The following C8orf34 variants were observed in gnomAD, a reference collection of about 807,000 sequenced individuals.
The protein encoded by C8orf34 is uncharacterized protein C8orf34.
C8orf34 carries 65 observed loss-of-function variants against 68.3 expected under a neutral mutation model. The ratio of observed to expected loss-of-function variants is 0.95; its 90% confidence interval spans 0.78 to 1.17. The LOEUF is 1.17. Among genes scored for constraint, C8orf34 ranks in the 50% most tolerant of loss-of-function variants. The probability of loss-of-function intolerance (pLI) is 0.00; values close to 1 mark genes in which losing one functional copy is unlikely to be tolerated. For missense variants in C8orf34, 664 were observed against 655.4 expected, an observed-to-expected ratio of 1.01 and a Z score of -0.14; for synonymous variants, 244 against 241.2, an observed-to-expected ratio of 1.01 and a Z score of -0.11.
chr8:68,735,681 G>T (rs1021824286), intron 10 of C8orf34, among the ~76,000 whole-genome samples: 3 of 151,752 alleles, frequency 2.0e-5, no homozygotes, highest in African/African-American at 7.3e-5. Context: ...ACTTGAGAAA[G>T]AAAAGAAAAA....
intron 7 of C8orf34, among the ~76,000 whole-genome samples, chr8:68,632,437 GA>G (rs1216760499): frequency 2.0e-5 from 3 of 152,130 alleles, no homozygotes; most frequent in Admixed American, 1.3e-4. Flanking sequence ...AAGGGAAGCA[GA>G]CCGTAAAAGT....
intron 3 of C8orf34, among the ~76,000 whole-genome samples, chr8:68,456,080 C>T (rs1199954122): frequency 7.1e-6 from 1 of 141,828 alleles, no homozygotes; most frequent in African/African-American, 2.6e-5. Context: ...ACAGCCTCTA[C>T]TAAAAATCCA....
chr8:68,803,843 G>A (rs1824403606), intron 12 of C8orf34, among the ~76,000 whole-genome samples: 2 of 151,920 alleles, frequency 1.3e-5, no homozygotes, highest in South Asian at 2.1e-4. Flanking sequence ...TATACTTTTT[G>A]TAGTACTTTT....
chr8:68,743,923 T>C (rs1489503243), intron 10 of C8orf34, among the ~76,000 whole-genome samples: 2 of 152,198 alleles, frequency 1.3e-5, no homozygotes, highest in African/African-American at 4.8e-5. Flanking sequence ...GCTCCACCTC[T>C]GGGGGCAGGG....
intron 7 of C8orf34, among the ~76,000 whole-genome samples, chr8:68,556,255 T>C (rs997712286): frequency 6.6e-6 from 1 of 150,898 alleles, no homozygotes; most frequent in South Asian, 2.1e-4. Flanking sequence ...CTACTATCTA[T>C]AGTTAAATTT....
At chr8:68,486,571 G>C (rs1813089745) in intron 4 of C8orf34, among the ~76,000 whole-genome samples, 1 of 152,096 alleles carries the variant, frequency 6.6e-6, no homozygotes, top group Non-Finnish European at 1.5e-5. Flanking sequence ...GATCTACAAT[G>C]GTGTCATTTA....
At chr8:68,525,574 G>A (rs1035042916) in intron 6 of C8orf34, 2 of 904,264 alleles carry the variant, frequency 2.2e-6, no homozygotes, top group Non-Finnish European at 3.6e-6. Context: ...CTTCTTTGTG[G>A]TCCATGATGC....
intron 5 of C8orf34, among the ~76,000 whole-genome samples, chr8:68,508,641 C>T (rs1373081871): frequency 3.3e-5 from 5 of 152,120 alleles, no homozygotes; most frequent in South Asian, 2.1e-4. Flanking sequence ...GGCTGGCTGT[C>T]AGTTGATATA....
intron 8 of C8orf34, among the ~76,000 whole-genome samples, chr8:68,686,923 A>G (rs548251307): frequency 2.0e-5 from 3 of 152,172 alleles, no homozygotes; most frequent in Non-Finnish European, 4.4e-5. Flanking sequence ...CAAATTCAGT[A>G]GTCTCAGGTT....
intron 7 of C8orf34, among the ~76,000 whole-genome samples, chr8:68,553,195 C>T (rs532105864): frequency 6.6e-6 from 1 of 151,832 alleles, no homozygotes; most frequent in East Asian, 2.0e-4. Flanking sequence ...ACCGTCCTGG[C>T]TAACACCGTG....
intron 9 of C8orf34, among the ~76,000 whole-genome samples, chr8:68,719,598 T>A (rs115546064): frequency 0.01 from 1,555 of 151,870 alleles, 29 homozygotes; most frequent in African/African-American, 0.036. Flanking sequence ...TACACAAATA[T>A]ACAATACAAT....
intron 8 of C8orf34, among the ~76,000 whole-genome samples, chr8:68,640,880 A>G (rs1005394014): frequency 2.6e-5 from 4 of 152,186 alleles, no homozygotes; most frequent in African/African-American, 9.6e-5. Context: ...GGTACAGTTT[A>G]AGATCTGATA....
In C8orf34 at chr8:68,781,088, T is replaced by C. The variant is rs769244487; in HGVS notation, c.1455+4639T>C. On this transcript the variant is annotated intron_variant, in intron 11 of 13. Transcript: ENST00000518698. ...ACTGATGTTTTGTGCGTTAGTGACA[T>C]ATTAATACCAAATGAAAAGAAATAC... Among the ~76,000 whole-genome samples, 13 of 152,218 alleles carry C rather than the reference T, an allele frequency of 8.5e-5. 1 individual carries two copies. The highest frequency in any genetic ancestry group is 1.6e-4 in the Non-Finnish European group (11 of 68,030).
At position 68,366,403 on chromosome 8, in the gene C8orf34, A is replaced by T. The variant is rs1323758733; in HGVS notation, c.327+35064A>T. The stretch of plus-strand genomic sequence containing the variant: ...ACAGAATTGAAAAAAACTACTTTAA[A>T]GTTCATATGGAACCAAAAAAGAGCC... On this transcript the variant is annotated intron_variant, in intron 1 of 13. Coordinates refer to ENST00000518698, the MANE Select transcript of C8orf34 (RefSeq NM_052958.4). Among the ~76,000 whole-genome samples the T allele has an allele frequency of 5.4e-3, 717 of 132,142 alleles. 21 individuals carry two copies. The highest frequency in any genetic ancestry group is 0.02 in the African/African-American group (607 of 30,944). 86.7% of individuals were successfully genotyped at this position (132,142 alleles called of 152,430 possible).
intron 6 of C8orf34, among the ~76,000 whole-genome samples, chr8:68,531,869 A>G (rs1815260482): frequency 6.6e-6 from 1 of 152,060 alleles, no homozygotes; most frequent in African/African-American, 2.4e-5. Flanking sequence ...GCTCCTTGCA[A>G]TTCCACACTT....
At chr8:68,386,476 G>A (rs1808265514) in intron 1 of C8orf34, among the ~76,000 whole-genome samples, 1 of 152,106 alleles carries the variant, frequency 6.6e-6, no homozygotes, top group Non-Finnish European at 1.5e-5. Context: ...TTCTGTATCT[G>A]TTCAGGAGAC....
intron 7 of C8orf34, among the ~76,000 whole-genome samples, chr8:68,553,835 A>T (rs758339866): frequency 3.9e-5 from 6 of 151,962 alleles, no homozygotes; most frequent in African/African-American, 7.3e-5. Flanking sequence ...CACATTCTTG[A>T]CTGTGAAGTA....
intron 7 of C8orf34, among the ~76,000 whole-genome samples, 169 bp from the exon 8 acceptor site, chr8:68,640,207 C>T (rs895242281): frequency 6.6e-6 from 1 of 152,138 alleles, no homozygotes; most frequent in African/African-American, 2.4e-5. Flanking sequence ...TCTCCAACTA[C>T]GTCTAGAAAT....
At chr8:68,409,708 G>A (rs1216116508) in intron 1 of C8orf34, among the ~76,000 whole-genome samples, 1 of 152,136 alleles carries the variant, frequency 6.6e-6, no homozygotes, top group African/African-American at 2.4e-5. Flanking sequence ...GTCTACAGCA[G>A]TGCACAGTCA....
Sources: allele counts gnomAD v4.1 joint callset (sites outside exome capture counted in the v4.1 genomes callset), GRCh38; gene constraint gnomAD v4.1.1; transcripts MANE v1.5; gene names NCBI Gene and HGNC (gene_info 2026-07-23, HGNC 2026-07-21).